CDHR2: variants seen among roughly 807,000 people sequenced by gnomAD.
CDHR2 encodes cadherin related family member 2.
CDHR2 carries 104 observed loss-of-function variants against 138.6 expected under a neutral mutation model. The ratio of observed to expected loss-of-function variants is 0.75; its 90% CI spans 0.64 to 0.88. The LOEUF (loss-of-function observed/expected upper bound fraction) is 0.88. CDHR2 is among the 40% of genes least tolerant of loss of function. The probability of loss-of-function intolerance (pLI) is 0.00; values close to 1 mark genes in which losing one functional copy is unlikely to be tolerated. For missense variants in CDHR2, 1,624 were observed against 1,727.6 expected (o/e 0.94, Z 1.06); for synonymous variants, 755 against 742.8 (o/e 1.02, Z -0.27).
chr5:176,546,022 G>A (rs560430057), upstream of CDHR2, among the ~76,000 whole-genome samples: 32 of 152,378 alleles, frequency 2.1e-4, no homozygotes, highest in Non-Finnish European at 3.8e-4. Context: ...GGGGGCAGGG[G>A]CTTGGGTTGG....
In CDHR2 at chr5:176,595,582, C is replaced by G. The variant is rs774224954; in HGVS notation, c.3843C>G (p.Ser1281Arg). The part of the protein sequence containing the change: ...TPPEPDPEPL[S>R]VVLLGRQAGA... ...CAGAGCCAGATCCAGAGCCCCTGAGCGTGGTCCTGTTAGGACGGCAGGCAG... is the reference window on the plus strand; with the variant it reads ...CAGAGCCAGATCCAGAGCCCCTGAGGGTGGTCCTGTTAGGACGGCAGGCAG... Residue 1281 changes from serine to arginine, a missense_variant, in exon 32 of 32, where the codon AGC becomes AGG. Ser to Arg is a moderately radical substitution (Grantham distance 110). This residue lies in a region of CDHR2 where 556 missense variants were observed against 565.7 expected (regional missense o/e 0.98). Coordinates refer to ENST00000261944, the MANE Select transcript of CDHR2 (RefSeq NM_017675.6). The G allele has an allele frequency of 3.1e-6, 5 of 1,612,682 alleles. No homozygotes were observed. The African/African-American group carries it at 6.7e-5, about 22-fold the overall frequency.
chr5:176,558,225 T>G (rs1184457139), intron 1 of CDHR2, among the ~76,000 whole-genome samples: 1 of 149,228 alleles, frequency 6.7e-6, no homozygotes, highest in Non-Finnish European at 1.5e-5. Flanking sequence ...TTTTTTTTTT[T>G]TTTTTTTTGA....
intron 31 of CDHR2, among the ~76,000 whole-genome samples, 153 bp from the exon 32 acceptor site, chr5:176,595,379 C>T (rs902814742): frequency 3.3e-5 from 5 of 152,188 alleles, no homozygotes; most frequent in Non-Finnish European, 7.4e-5. Flanking sequence ...ACCTCTGGGA[C>T]ACAGCCTGGA....
Position 176,575,216 on chromosome 5 carries a change from G to C in CDHR2, c.621+7G>C, listed in dbSNP as rs373092765. The C allele has an allele frequency of 1.9e-6, 3 of 1,614,164 alleles. No individual in the cohort carries two copies. The highest frequency in any genetic ancestry group is 1.1e-5 in the South Asian group (1 of 91,088). ...GCTGGAGCTGAAGGCCTGTGTGAGTGGGGGTGCCGGCAGGCGGGCCTAGGA... is the reference window on the plus strand; with the variant it reads ...GCTGGAGCTGAAGGCCTGTGTGAGTCGGGGTGCCGGCAGGCGGGCCTAGGA... On this transcript the variant is annotated splice_region_variant and intron_variant, in intron 8 of 31. Coordinates refer to ENST00000261944, the MANE Select transcript of CDHR2 (RefSeq NM_017675.6).
In CDHR2 at chr5:176,577,865, A is replaced by T. The variant is rs78773096; in HGVS notation, c.1512+67A>T. 42 of 1,149,442 alleles carry T rather than the reference A, an allele frequency of 3.7e-5. No homozygotes were observed. In the East Asian group the frequency reaches 5.5e-4, roughly 15 times the overall value. The allele number at this position is 1,149,442 out of a possible 1,614,324, so 71.2% of individuals were successfully genotyped here. A position where few individuals can be genotyped will look rare whatever the true frequency, so the allele number is the denominator to read the frequency against. On this transcript the variant is annotated intron_variant, in intron 14 of 31. Transcript: ENST00000261944. ...GCGGGCGTGCATGTGTGAGTGTGAGAGTGTGTGTGTGTGTATGTGTGAGAT... is the reference window on the plus strand; with the variant it reads ...GCGGGCGTGCATGTGTGAGTGTGAGTGTGTGTGTGTGTGTATGTGTGAGAT...
chr5:176,566,817 C>T (rs1758094215), intron 3 of CDHR2: 1 of 408,666 alleles, frequency 2.4e-6, no homozygotes, highest in Non-Finnish European at 5.0e-6. Flanking sequence ...CGCCTAGCTG[C>T]AAGGGAACCT....
chr5:176,576,247 C>A lies in CDHR2; in HGVS notation c.1194+62C>A. 7.6e-7 allele frequency: 1 copy of A among 1,320,264 alleles called. No homozygotes were observed. Among genetic ancestry groups the A allele is most frequent in the Non-Finnish European group, 1.1e-6 (1 of 944,152 alleles). The allele number at this position is 1,320,264 out of a possible 1,614,324, so 81.8% of individuals were successfully genotyped here. On this transcript the variant is annotated intron_variant, in intron 12 of 31. Coordinates refer to ENST00000261944, the MANE Select transcript of CDHR2 (RefSeq NM_017675.6). The surrounding 1 kb of genome is among the most constrained non-coding windows in gnomAD (Gnocchi z 4.5). The stretch of plus-strand genomic sequence containing the variant: ...GGGGGAGGCCAGTGGGAGCCTGGAT[C>A]GAGTGACGGTGTCATGTGGTGCTGG...
In CDHR2 at chr5:176,584,082, G is replaced by A. The variant is rs574586245; in HGVS notation, c.2059-108G>A. 38 of 911,622 alleles carry A rather than the reference G, an allele frequency of 4.2e-5. No individual in the cohort carries two copies. The East Asian group carries it at 8.1e-4, about 20-fold the overall frequency. The allele number at this position is 911,622 out of a possible 1,614,324, so 56.5% of individuals were successfully genotyped here. A position where few individuals can be genotyped will look rare whatever the true frequency, so the allele number is the denominator to read the frequency against. On this transcript the variant is annotated intron_variant, in intron 17 of 31. Coordinates refer to ENST00000261944, the MANE Select transcript of CDHR2 (RefSeq NM_017675.6). The stretch of plus-strand genomic sequence containing the variant: ...TGGGAAGTGGGCAGTGAGGTCTGAG[G>A]CACTAGTAGAGTCCATGCCTTGGAG...
At chr5:176,559,449 TG>T (rs1220867185) in intron 1 of CDHR2, among the ~76,000 whole-genome samples, 3 of 152,172 alleles carry the variant, frequency 2.0e-5, no homozygotes, top group African/African-American at 7.2e-5. Context: ...TGCTTTGGCT[TG>T]GGTTTTCTTT....
intron 1 of CDHR2, among the ~76,000 whole-genome samples, chr5:176,560,570 C>G (rs1757942440): frequency 6.6e-6 from 1 of 152,170 alleles, no homozygotes; most frequent in Admixed American, 6.5e-5. Context: ...TCATCACGCC[C>G]ACATCCCCCT....
chr5:176,590,704 C>T lies in CDHR2; in HGVS notation c.3539+17C>T. On this transcript the variant is annotated intron_variant, in intron 28 of 31. Transcript: ENST00000261944. ...GCGGAAGAGGTGCGGCTCCCATTGC[C>T]CCCGTGTCTCCAACCTTCACCCTCT... is the stretch of plus-strand genomic sequence containing the variant. 1.2e-6 allele frequency: 2 copies of T among 1,612,316 alleles called. No homozygotes were observed.
intron 6 of CDHR2, among the ~76,000 whole-genome samples, chr5:176,573,672 G>A (rs552350771): frequency 2.0e-4 from 30 of 151,624 alleles, no homozygotes; most frequent in Non-Finnish European, 3.1e-4. Flanking sequence ...AGGTAGAGTT[G>A]GTGTGTACAG....
chr5:176,568,980 C>A lies in CDHR2; in HGVS notation c.285C>A (p.Val95=), dbSNP rs1438514020. ...TGCAGACACTCTACACATTCAAAGTCACCATCTCCGTGAGCGACCCCTACA... is the reference window on the plus strand; with the variant it reads ...TGCAGACACTCTACACATTCAAAGTAACCATCTCCGTGAGCGACCCCTACA... ...LDYETLYTFK[V]TISVSDPYIQ... is the part of the protein sequence containing the mutation. Residue 95 remains valine (V), a synonymous_variant, in exon 5 of 32, where the codon GTC becomes GTA. Coordinates refer to ENST00000261944, the MANE Select transcript of CDHR2 (RefSeq NM_017675.6). The A allele has an allele frequency of 6.2e-7, 1 of 1,614,042 alleles. No homozygotes were observed. Among genetic ancestry groups the A allele is most frequent in the Non-Finnish European group, 8.5e-7 (1 of 1,180,024 alleles).
chr5:176,581,703 T>A, intron 17 of CDHR2, 121 bp downstream of exon 17: 1 of 1,314,482 alleles, frequency 7.6e-7, no homozygotes, highest in African/African-American at 1.5e-5. Context: ...TCCCGCTCAC[T>A]CGTATGGCCC....
intron 6 of CDHR2, 59 bp from the exon 7 acceptor site, chr5:176,574,024 C>T (rs533948012): frequency 7.3e-5 from 96 of 1,319,684 alleles, no homozygotes; most frequent in Non-Finnish European, 8.8e-5. Flanking sequence ...GGGGCAGTGA[C>T]GGACAAGGGA....
Position 176,553,515 on chromosome 5 carries a change from A to AATTGT in CDHR2, c.-16+4101_-16+4102insATTGT, listed in dbSNP as rs1235565995. On this transcript the variant is annotated intron_variant, in intron 1 of 31. Transcript: ENST00000261944. This position sits in a 1 kb window ranked among gnomAD's most constrained non-coding sequence, Gnocchi z 4.3. ...CTTGATACCTGCTGGCTGCACACCT[A>AATTGT]GTGACTAATTGTCCCGTGGCAGTTG... 6.6e-6 allele frequency among the ~76,000 whole-genome samples: 1 copy of AATTGT among 152,126 alleles called. No individual in the cohort carries two copies. Among genetic ancestry groups the AATTGT allele is most frequent in the Non-Finnish European group, 1.5e-5 (1 of 68,014 alleles).
intron 6 of CDHR2, among the ~76,000 whole-genome samples, chr5:176,572,465 T>C (rs2113291944): frequency 6.6e-6 from 1 of 152,132 alleles, no homozygotes; most frequent in African/African-American, 2.4e-5. Flanking sequence ...GAGGAGACCG[T>C]CTCTTTCTCA....
chr5:176,571,214 T>A lies in CDHR2; in HGVS notation c.317T>A (p.Val106Glu). 6.2e-7 allele frequency: 1 copy of A among 1,611,272 alleles called. No individual in the cohort carries two copies. Among genetic ancestry groups the A allele is most frequent in the South Asian group, 1.1e-5 (1 of 90,794 alleles). ...TISVSDPYIQ[V>E]QREMLVIVED... The stretch of plus-strand genomic sequence containing the variant: ...TCCCCTGGGCTTTCTCACTTGCAGG[T>A]GCAGAGGGAGATGCTGGTGATTGTG... Residue 106 changes from valine to glutamate, a missense_variant and splice_region_variant, in exon 6 of 32, where the codon GTG becomes GAG. Val to Glu is a moderately radical substitution (Grantham distance 121). Coordinates refer to ENST00000261944, the MANE Select transcript of CDHR2 (RefSeq NM_017675.6).
intron 3 of CDHR2, chr5:176,566,826 C>A (rs1049060295): frequency 2.4e-6 from 1 of 414,578 alleles, no homozygotes; most frequent in Admixed American, 2.6e-5. Context: ...GCAAGGGAAC[C>A]TGGCAAATGT....
Sources: allele counts gnomAD v4.1 joint callset (sites outside exome capture counted in the v4.1 genomes callset), GRCh38; gene constraint gnomAD v4.1.1; regional missense constraint gnomAD v4.1.1; non-coding constraint Gnocchi (gnomAD v3.1); transcripts MANE v1.5; gene names NCBI Gene and HGNC (gene_info 2026-07-23, HGNC 2026-07-21).